Variants in CACNA2D3 observed in about 807,000 individuals in gnomAD.
The protein encoded by CACNA2D3 is calcium voltage-gated channel auxiliary subunit alpha2delta 3, also known as voltage-dependent calcium channel subunit alpha-2/delta-3.
A neutral mutation model predicts 160.6 loss-of-function variants in CACNA2D3; 60 were observed. That is an observed-to-expected ratio of 0.37 (90% CI 0.30 to 0.46). The LOEUF (loss-of-function observed/expected upper bound fraction) is 0.46. Among genes scored for constraint, CACNA2D3 ranks in the 20% least tolerant of loss-of-function variants. CACNA2D3 has a pLI of 1.00. For missense variants in CACNA2D3, 1,205 were observed against 1,365.0 expected (o/e 0.88, Z 1.85); for synonymous variants, 558 against 492.9 (o/e 1.13, Z -1.75).
At chr3:54,554,870 CTTTT>C (rs66526065) in intron 5 of CACNA2D3, among the ~76,000 whole-genome samples, 19,527 of 96,336 alleles carry the variant, frequency 0.2, 1,297 homozygotes, top group Middle Eastern at 0.29. Context: ...CTCTCACTCT[CTTTT>C]TTTTTTTTTT....
intron 5 of CACNA2D3, among the ~76,000 whole-genome samples, chr3:54,546,631 C>G (rs929281648): frequency 2.7e-4 from 41 of 151,990 alleles, no homozygotes; most frequent in African/African-American, 9.4e-4. Context: ...GAAAATGACT[C>G]CTTGCTATAA....
At chr3:54,152,355 G>A (rs953692473) in intron 2 of CACNA2D3, among the ~76,000 whole-genome samples, 3 of 152,212 alleles carry the variant, frequency 2.0e-5, no homozygotes, top group Admixed American at 1.3e-4. Context: ...CCTATTGGCA[G>A]ATCTTCTGAT....
intron 13 of CACNA2D3, among the ~76,000 whole-genome samples, chr3:54,793,298 G>A (rs555489213): frequency 1.3e-5 from 2 of 152,252 alleles, no homozygotes; most frequent in African/African-American, 4.8e-5. Flanking sequence ...TGAGAGCCAA[G>A]ACTGTAACAG....
At chr3:54,299,565 G>A (rs1224536714) in intron 2 of CACNA2D3, among the ~76,000 whole-genome samples, 1 of 152,206 alleles carries the variant, frequency 6.6e-6, no homozygotes, top group Admixed American at 6.5e-5. Context: ...TGGTAACAAG[G>A]AAATGGAATA....
intron 9 of CACNA2D3, among the ~76,000 whole-genome samples, chr3:54,591,614 C>T (rs1702862506): frequency 7.8e-6 from 1 of 128,386 alleles, no homozygotes; most frequent in African/African-American, 3.1e-5. Context: ...CCACAAAACA[C>T]TGAAAACAAA....
At chr3:54,717,340 C>G (rs1281710032) in intron 11 of CACNA2D3, among the ~76,000 whole-genome samples, 1 of 152,184 alleles carries the variant, frequency 6.6e-6, no homozygotes, top group Non-Finnish European at 1.5e-5. Flanking sequence ...TAGGGAATAT[C>G]CAGGAGTCGA....
intron 34 of CACNA2D3, among the ~76,000 whole-genome samples, chr3:55,015,957 T>A (rs893565816): frequency 5.9e-5 from 9 of 152,176 alleles, no homozygotes; most frequent in Non-Finnish European, 1.5e-5. Flanking sequence ...TTACCCTCCA[T>A]CTGAAAGGCA....
chr3:54,190,312 A>G (rs571930273), intron 2 of CACNA2D3, among the ~76,000 whole-genome samples: 8 of 152,356 alleles, frequency 5.3e-5, no homozygotes, highest in South Asian at 4.1e-4. Flanking sequence ...GAAAGTGTCA[A>G]TGGCAGGTGA....
chr3:54,391,038 C>A (rs934515514), intron 4 of CACNA2D3, among the ~76,000 whole-genome samples: 14 of 151,882 alleles, frequency 9.2e-5, no homozygotes, highest in Admixed American at 4.6e-4. Context: ...AATTTCCTAA[C>A]CTGTGTAGTT....
At chr3:54,562,956 ATGACT>A in intron 6 of CACNA2D3, 25 bp downstream of exon 6, 1 of 1,606,044 alleles carries the variant, frequency 6.2e-7, no homozygotes, top group Non-Finnish European at 8.5e-7. Context: ...ATTGACAGTT[ATGACT>A]CAGATTAATG....
chr3:55,062,528 A>G (rs1403725305), intron 35 of CACNA2D3, among the ~76,000 whole-genome samples: 2 of 152,166 alleles, frequency 1.3e-5, no homozygotes, highest in Non-Finnish European at 2.9e-5. Context: ...TTACAAAACA[A>G]AATATTAATA....
intron 2 of CACNA2D3, among the ~76,000 whole-genome samples, chr3:54,160,897 G>A (rs1177096292): frequency 6.6e-5 from 10 of 152,152 alleles, no homozygotes; most frequent in Admixed American, 6.5e-4. Flanking sequence ...AAATTAAATT[G>A]CCTGAAGAAA....
chr3:54,394,231 A>G (rs1699332988), intron 4 of CACNA2D3, among the ~76,000 whole-genome samples: 1 of 151,434 alleles, frequency 6.6e-6, no homozygotes, highest in Non-Finnish European at 1.5e-5. Flanking sequence ...AGCTCCCCGG[A>G]GCGGCCTTAG....
At chr3:54,339,849 A>G (rs1025792945) in intron 3 of CACNA2D3, among the ~76,000 whole-genome samples, 1 of 152,204 alleles carries the variant, frequency 6.6e-6, no homozygotes, top group South Asian at 2.1e-4. Flanking sequence ...TGTTAATTAC[A>G]GGGTGGAAAG....
At chr3:54,868,552 T>C (rs545579207) in intron 17 of CACNA2D3, among the ~76,000 whole-genome samples, 1 of 152,248 alleles carries the variant, frequency 6.6e-6, no homozygotes, top group Non-Finnish European at 1.5e-5. Flanking sequence ...TTGGGGAGGA[T>C]CAGAAGTCAA....
intron 2 of CACNA2D3, among the ~76,000 whole-genome samples, chr3:54,312,407 A>G (rs1220977047): frequency 6.6e-6 from 1 of 152,040 alleles, no homozygotes; most frequent in South Asian, 2.1e-4. Flanking sequence ...TGCCAAGTCC[A>G]CTCAGAGCCC....
At chr3:54,811,970 A>G (rs558450749) in intron 13 of CACNA2D3, among the ~76,000 whole-genome samples, 75 of 152,340 alleles carry the variant, frequency 4.9e-4, no homozygotes, top group African/African-American at 1.8e-3. Context: ...GTAAGTTAAT[A>G]TAGGTAAAGC....
At chr3:54,668,662 G>A (rs995795648) in intron 11 of CACNA2D3, among the ~76,000 whole-genome samples, 1 of 152,192 alleles carries the variant, frequency 6.6e-6, no homozygotes, top group Non-Finnish European at 1.5e-5. Context: ...CACCAACCCT[G>A]CAGGGATTGC....
intron 9 of CACNA2D3, among the ~76,000 whole-genome samples, chr3:54,591,327 C>T (rs556363789): frequency 3.3e-5 from 5 of 151,982 alleles, no homozygotes; most frequent in Admixed American, 1.3e-4. Context: ...AATCAGGTGC[C>T]CATTCTGGAG....
Sources: gnomAD v4.1 joint callset for allele counts (sites outside exome capture counted in the v4.1 genomes callset) on GRCh38, gnomAD v4.1.1 for gene constraint, MANE v1.5 for transcripts, NCBI Gene and HGNC (gene_info 2026-07-23, HGNC 2026-07-21) for gene names.